TENM2: variants seen among roughly 807,000 people sequenced by gnomAD.
The protein encoded by TENM2 is teneurin-2.
A neutral mutation model predicts 245.2 loss-of-function variants in TENM2; 52 were observed. The ratio of observed to expected loss-of-function variants is 0.21; its 90% CI spans 0.17 to 0.27. The LOEUF is 0.27. Ranked by LOEUF, TENM2 falls within the 10% of genes least tolerant of loss-of-function variation. The probability of loss-of-function intolerance (pLI) is 1.00; values close to 1 mark genes in which losing one functional copy is unlikely to be tolerated. For synonymous variants in TENM2, 1,363 were observed against 1,438.9 expected (o/e 0.95, Z 1.19); for missense variants, 3,046 against 3,666.8 (o/e 0.83, Z 4.37).
chr5:168,016,928 T>G (rs1017908387), intron 5 of TENM2, among the ~76,000 whole-genome samples: 3 of 152,218 alleles, frequency 2.0e-5, no homozygotes, highest in African/African-American at 7.2e-5. Context: ...TACAAAGTGC[T>G]CAATGATTGT....
At chr5:167,353,565 T>G (rs570397318) in intron 1 of TENM2, among the ~76,000 whole-genome samples, 2,439 of 125,482 alleles carry the variant, frequency 0.019, 36 homozygotes, top group Middle Eastern at 0.079. Flanking sequence ...TGGAGTGCAG[T>G]GGCGGGATCT....
intron 1 of TENM2, among the ~76,000 whole-genome samples, chr5:167,331,062 C>A (rs1438507381): frequency 6.6e-6 from 1 of 151,376 alleles, no homozygotes; most frequent in Admixed American, 6.6e-5. Flanking sequence ...ATGGTAAAAC[C>A]CCGTCTCTAC....
At chr5:168,124,938 T>C in exon 11 of TENM2, 1 of 1,612,578 alleles carries the variant, frequency 6.2e-7, no homozygotes, top group Non-Finnish European at 8.5e-7. Flanking sequence ...GTCTGAACTG[T>C]GAGCTGGCGA....
chr5:167,048,932 C>T, the TENM2 span, among the ~76,000 whole-genome samples: 1 of 152,056 alleles, frequency 6.6e-6, no homozygotes, highest in Non-Finnish European at 1.5e-5. Context: ...TTAAATTTTG[C>T]AAGTGGGGAT....
intron 2 of TENM2, among the ~76,000 whole-genome samples, chr5:167,452,963 T>TATATATATATATATATA: frequency 7.1e-5 from 1 of 14,098 alleles, no homozygotes; most frequent in South Asian, 3.0e-3. Context: ...ATATATATAT[T>TATATATATATATATATA]TAAAAAAAAA....
At chr5:167,813,486 G>A (rs1392372140) in intron 2 of TENM2, among the ~76,000 whole-genome samples, 1 of 151,958 alleles carries the variant, frequency 6.6e-6, no homozygotes, top group African/African-American at 2.4e-5. Context: ...TGTTGGAGGA[G>A]CAGGGAGATG....
chr5:166,998,301 A>C, the TENM2 span, among the ~76,000 whole-genome samples: 1 of 152,150 alleles, frequency 6.6e-6, no homozygotes, highest in Non-Finnish European at 1.5e-5. Flanking sequence ...GGCCATGGTA[A>C]GGAGATTTTC....
rs372194520 is a variant in TENM2, at chr5:167,324,728, T to C, written c.226+39665T>C. On this transcript the variant is annotated intron_variant, in intron 1 of 28. Coordinates refer to ENST00000518659, the Ensembl canonical transcript of TENM2. ...GAAATAAACATGATTGTGTTTTTAGTGGTATTTGCAATGCCTTACAATATT... is the reference window on the plus strand; with the variant it reads ...GAAATAAACATGATTGTGTTTTTAGCGGTATTTGCAATGCCTTACAATATT... Among the ~76,000 whole-genome samples the C allele has an allele frequency of 3.9e-5, 6 of 152,148 alleles. No homozygotes were observed. In the East Asian group the frequency reaches 7.7e-4, roughly 20 times the overall value.
chr5:167,971,744 A>T (rs1405697286), intron 4 of TENM2, among the ~76,000 whole-genome samples: 1 of 152,214 alleles, frequency 6.6e-6, no homozygotes, highest in Non-Finnish European at 1.5e-5. Context: ...AACAAAAACA[A>T]AAAAAACCCT....
chr5:168,041,568 A>G (rs1431410178), intron 5 of TENM2, among the ~76,000 whole-genome samples: 1 of 152,198 alleles, frequency 6.6e-6, no homozygotes, highest in African/African-American at 2.4e-5. Flanking sequence ...ACCAGACTAC[A>G]TTAAATGAAA....
intron 12 of TENM2, among the ~76,000 whole-genome samples, chr5:168,158,829 G>GTGTGTGTA (rs1397260649): frequency 6.6e-4 from 42 of 63,734 alleles, no homozygotes; most frequent in African/African-American, 2.4e-3. Flanking sequence ...GTGTGTGTGT[G>GTGTGTGTA]TATATATATA....
At chr5:167,475,530 G>A (rs544105830) in intron 2 of TENM2, among the ~76,000 whole-genome samples, 13 of 151,878 alleles carry the variant, frequency 8.6e-5, no homozygotes, top group South Asian at 8.3e-4. Context: ...CTGAACGTGC[G>A]GGTTTGTTAC....
chr5:167,569,078 C>CT (rs34311803), intron 2 of TENM2, among the ~76,000 whole-genome samples: 892 of 48,970 alleles, frequency 0.018, 175 homozygotes, highest in Non-Finnish European at 0.019. Context: ...CTTCCTACAG[C>CT]TTTTTTTTTT....
intron 2 of TENM2, among the ~76,000 whole-genome samples, chr5:167,429,325 A>G (rs758846130): frequency 6.6e-6 from 1 of 152,084 alleles, no homozygotes; most frequent in Non-Finnish European, 1.5e-5. Context: ...CTTGCCTCCT[A>G]TGTTTCTCAA....
intron 2 of TENM2, among the ~76,000 whole-genome samples, chr5:167,642,367 A>G (rs1475056852): frequency 1.3e-5 from 2 of 152,174 alleles, no homozygotes; most frequent in Non-Finnish European, 2.9e-5. Context: ...AAGTGTCAGC[A>G]TAGATGGTAT....
At chr5:168,185,304 T>G (rs980643527) in intron 13 of TENM2, 1 of 152,334 alleles carries the variant, frequency 6.6e-6, no homozygotes, top group Admixed American at 6.5e-5. Flanking sequence ...CAAGCCTCAG[T>G]TGCATCCTCT....
rs1168279511 is a variant in TENM2 at position 167,893,630 on chromosome 5, G to A, written c.712+17435G>A. On this transcript the variant is annotated intron_variant, in intron 3 of 28. Transcript: ENST00000518659. ...GGAAACAAACAAAAAAGGTTTTTTT[G>A]TTGTTTTTTTTTTTTTAGTAAGAGG... Among the ~76,000 whole-genome samples the A allele has an allele frequency of 3.4e-5, 5 of 147,336 alleles. No homozygotes were observed. The South Asian group carries it at 8.5e-4, about 25-fold the overall frequency.
chr5:168,147,167 C>T (rs1283224646), intron 12 of TENM2, among the ~76,000 whole-genome samples: 1 of 152,224 alleles, frequency 6.6e-6, no homozygotes. Flanking sequence ...ATTAATTATT[C>T]AAAACAATTC....
intron 2 of TENM2, among the ~76,000 whole-genome samples, chr5:167,617,735 G>A (rs1777880530): frequency 6.6e-6 from 1 of 152,174 alleles, no homozygotes; most frequent in Non-Finnish European, 1.5e-5. Context: ...TTGTCTTCAC[G>A]GGCATTTAAC....
Sources: gnomAD v4.1 joint callset for allele counts (sites outside exome capture counted in the v4.1 genomes callset) on GRCh38, gnomAD v4.1.1 for gene constraint, MANE v1.5 for transcripts, NCBI Gene and HGNC (gene_info 2026-07-23, HGNC 2026-07-21) for gene names.